Variants in UNC13A observed in about 807,000 individuals in gnomAD.
UNC13A encodes unc-13 homolog A.
UNC13A carries 61 observed loss-of-function variants against 219.7 expected under a neutral mutation model. The observed-to-expected ratio is 0.28, with a 90% CI of 0.23 to 0.34. The LOEUF (loss-of-function observed/expected upper bound fraction) is 0.34. UNC13A is among the 10% of genes least tolerant of loss of function. The pLI is 1.00. For missense variants in UNC13A, 1,476 were observed against 2,270.3 expected (o/e 0.65, Z 7.11); for synonymous variants, 920 against 884.6 (o/e 1.04, Z -0.71).
chr19:17,684,365 A>C (rs1449649251), intron 1 of UNC13A, among the ~76,000 whole-genome samples: 1 of 152,068 alleles, frequency 6.6e-6, no homozygotes, highest in Non-Finnish European at 1.5e-5. Context: ...CATCTCTTTC[A>C]TTCTAACCCC....
chr19:17,688,314 G>C lies in UNC13A; in HGVS notation c.-115C>G. 2.3e-6 allele frequency: 3 copies of C among 1,328,676 alleles called. No individual in the cohort carries two copies. The highest frequency in any genetic ancestry group is 2.9e-6 in the Non-Finnish European group (3 of 1,039,360). 82.3% of individuals were successfully genotyped at this position (1,328,676 alleles called of 1,614,324 possible). A position where few individuals can be genotyped will look rare whatever the true frequency, so the allele number is the denominator to read the frequency against. On this transcript the variant is annotated 5_prime_UTR_variant, in exon 1 of 44. Coordinates refer to ENST00000519716, the MANE Select transcript of UNC13A (RefSeq NM_001080421.3). Reference sequence around the variant, plus strand: ...GCAGCCCGCGCTTGGCTCACGCCGGGGCCCGGCCGCCACCGGCCATCTTGG... The same window carrying C: ...GCAGCCCGCGCTTGGCTCACGCCGGCGCCCGGCCGCCACCGGCCATCTTGG...
intron 8 of UNC13A, 27 bp from the exon 9 acceptor site, chr19:17,658,296 A>G: frequency 6.3e-7 from 1 of 1,592,344 alleles, no homozygotes; most frequent in Middle Eastern, 1.7e-4. Flanking sequence ...GTATGGGAAG[A>G]GGGTGAGGAA....
intron 1 of UNC13A, among the ~76,000 whole-genome samples, chr19:17,680,410 C>A (rs147050549): frequency 0.014 from 2,155 of 152,124 alleles, 18 homozygotes; most frequent in Non-Finnish European, 0.022. Flanking sequence ...GTGGGAGGCG[C>A]GCCGGCGGAC....
chr19:17,644,227 C>T (rs914222093), intron 19 of UNC13A, among the ~76,000 whole-genome samples: 3 of 152,030 alleles, frequency 2.0e-5, no homozygotes, highest in African/African-American at 4.8e-5. Flanking sequence ...CTTGCTCTAT[C>T]GCCCAGGCTG....
intron 43 of UNC13A, among the ~76,000 whole-genome samples, chr19:17,607,829 A>C (rs1324945263): frequency 6.9e-6 from 1 of 144,446 alleles, no homozygotes; most frequent in Non-Finnish European, 1.5e-5. Context: ...GATGACCCCA[A>C]CTCTACCCTT....
chr19:17,664,673 A>T (rs2079609877), intron 7 of UNC13A, among the ~76,000 whole-genome samples: 1 of 151,938 alleles, frequency 6.6e-6, no homozygotes. Flanking sequence ...GACCCCATTC[A>T]CCAAGCGGGG....
intron 43 of UNC13A, among the ~76,000 whole-genome samples, chr19:17,608,763 G>A (rs1311030170): frequency 2.0e-5 from 3 of 151,530 alleles, no homozygotes; most frequent in Non-Finnish European, 4.4e-5. Context: ...TGATCTGCCC[G>A]CCTTGGCCTC....
chr19:17,626,802 G>A lies in UNC13A; in HGVS notation c.3921-17C>T. ...GGCTGGAAGCTGGGGACACAGAAGGGAAGGGCTCAGACCACAGGAAGGGCT... is the reference window on the plus strand; with the variant it reads ...GGCTGGAAGCTGGGGACACAGAAGGAAAGGGCTCAGACCACAGGAAGGGCT... On this transcript the variant is annotated splice_polypyrimidine_tract_variant and intron_variant, in intron 33 of 43. Transcript: ENST00000519716. The A allele has an allele frequency of 6.2e-7, 1 of 1,605,504 alleles. No individual in the cohort carries two copies. Among genetic ancestry groups the A allele is most frequent in the Non-Finnish European group, 8.5e-7 (1 of 1,174,594 alleles).
At chr19:17,631,170 C>CT (rs2076844436) in intron 28 of UNC13A, among the ~76,000 whole-genome samples, 5 of 20,084 alleles carry the variant, frequency 2.5e-4, no homozygotes, top group African/African-American at 4.5e-4. Flanking sequence ...TCCCTCCCTC[C>CT]CTCCCTCCTT....
chr19:17,615,834 C>A (rs1462684433), intron 41 of UNC13A, among the ~76,000 whole-genome samples: 2 of 152,040 alleles, frequency 1.3e-5, no homozygotes, highest in Admixed American at 1.3e-4. Context: ...AATTAGCTAG[C>A]CATGTGACGT....
At chr19:17,631,518 C>A (rs1343242999) in intron 28 of UNC13A, among the ~76,000 whole-genome samples, 1 of 151,934 alleles carries the variant, frequency 6.6e-6, no homozygotes, top group African/African-American at 2.4e-5. Context: ...TGAGCCACCG[C>A]ATCCAGCCAG....
In UNC13A at chr19:17,604,228, CCA is replaced by C. The variant is rs1342198855; in HGVS notation, c.*1824_*1825del. ...CAAAACAGCTTTTGCAGGCTGGAAT[CCA>C]GTCTCTCCCCAACTTAAAACAGCTC... On this transcript the variant is annotated 3_prime_UTR_variant, in exon 44 of 44. Coordinates refer to ENST00000519716, the MANE Select transcript of UNC13A (RefSeq NM_001080421.3). 1 of 152,232 alleles carries C rather than the reference CCA, an allele frequency of 6.6e-6. No homozygotes were observed. The allele number at this position is 152,232 out of a possible 1,614,324, so 9.4% of individuals were successfully genotyped here. A position where few individuals can be genotyped will look rare whatever the true frequency, so the allele number is the denominator to read the frequency against.
rs1181157451 is a variant in UNC13A, at chr19:17,639,830, C to T, written c.2856+10G>A. On this transcript the variant is annotated intron_variant, in intron 23 of 43. Coordinates refer to ENST00000519716, the MANE Select transcript of UNC13A (RefSeq NM_001080421.3). ...TGGGGTGAGCAAATTCTCATGCACA[C>T]ACTTCCTACCCGGTACATGGAGAGG... is the stretch of plus-strand genomic sequence containing the variant. 1 of 1,613,618 alleles carries T rather than the reference C, an allele frequency of 6.2e-7. No individual in the cohort carries two copies. The highest frequency in any genetic ancestry group is 8.5e-7 in the Non-Finnish European group (1 of 1,179,788).
At position 17,659,957 on chromosome 19, in the gene UNC13A, G is replaced by A. The variant is rs565800762; in HGVS notation, c.560-1688C>T. 5.3e-5 allele frequency among the ~76,000 whole-genome samples: 8 copies of A among 152,242 alleles called. No individual in the cohort carries two copies. The East Asian group carries it at 9.6e-4, about 18-fold the overall frequency. On this transcript the variant is annotated intron_variant, in intron 8 of 43. Coordinates refer to ENST00000519716, the MANE Select transcript of UNC13A (RefSeq NM_001080421.3). ...CTCACTTGGGCTGGAGCGCAGTGGC[G>A]CGATCAAAACTCACTGAAACCTCGA... is the stretch of plus-strand genomic sequence containing the variant.
intron 9 of UNC13A, among the ~76,000 whole-genome samples, chr19:17,657,686 C>G (rs557077302): frequency 5.3e-4 from 80 of 152,060 alleles, no homozygotes; most frequent in African/African-American, 1.8e-3. Context: ...GGCAATGGAG[C>G]AAGACCCCCA....
rs537917585 is a variant in UNC13A, at chr19:17,648,734, G to A, written c.1597-84C>T. 2.8e-5 allele frequency: 43 copies of A among 1,547,090 alleles called. No homozygotes were observed. In the African/African-American group the frequency reaches 5.3e-4, roughly 19 times the overall value. ...GCCCCATTCCGCCCCATCACTGAGC[G>A]CGGTAAAGTCCCAGGCCCTCCCCTG... On this transcript the variant is annotated intron_variant, in intron 15 of 43. Transcript: ENST00000519716.
At chr19:17,666,816 T>C in intron 6 of UNC13A, 112 bp from the exon 7 acceptor site, 6 of 658,800 alleles carry the variant, frequency 9.1e-6, no homozygotes, top group Non-Finnish European at 1.1e-5. Context: ...TCCCAAATTC[T>C]CTCCCTCTCT....
In UNC13A at chr19:17,610,002, G is replaced by A; in HGVS notation, c.4749C>T (p.Arg1583=). 1 of 1,614,044 alleles carries A rather than the reference G, an allele frequency of 6.2e-7. No homozygotes were observed. The highest frequency in any genetic ancestry group is 8.5e-7 in the Non-Finnish European group (1 of 1,179,908). The part of the protein sequence containing the change: ...IIGPQLSDKK[R]KFATKSKNNS... ...TGTTCTTGGATTTGGTCGCAAACTT[G>A]CGTTTCTTGTCGCTGAGCTGGGGCC... The change falls in exon 43 of 44, where the codon CGC becomes CGT. Residue 1583 remains arginine, a synonymous_variant. Coordinates refer to ENST00000519716, the MANE Select transcript of UNC13A (RefSeq NM_001080421.3).
intron 4 of UNC13A, among the ~76,000 whole-genome samples, chr19:17,670,871 T>A (rs1157743306): frequency 1.3e-5 from 2 of 150,900 alleles, no homozygotes; most frequent in Non-Finnish European, 2.9e-5. Flanking sequence ...GCCATTGCAC[T>A]CCAGCCTGGG....
Sources: gnomAD v4.1 joint callset for allele counts (sites outside exome capture counted in the v4.1 genomes callset) on GRCh38, gnomAD v4.1.1 for gene constraint, MANE v1.5 for transcripts, NCBI Gene and HGNC (gene_info 2026-07-23, HGNC 2026-07-21) for gene names.